The following UPP2 variants were observed in gnomAD, a reference collection of about 807,000 sequenced individuals.
UPP2 encodes UPase 2.
In UPP2, 23 loss-of-function variants were observed where a neutral mutation model predicts 26.7. The ratio of observed to expected loss-of-function variants is 0.86; its 90% confidence interval spans 0.62 to 1.22. The LOEUF (loss-of-function observed/expected upper bound fraction) is 1.22, where lower values mean the gene tolerates loss of function less well. Ranked by LOEUF, UPP2 falls within the 50% of genes most tolerant of loss-of-function variation. UPP2 has a pLI of 0.00. For synonymous variants in UPP2, 127 were observed against 141.3 expected (o/e 0.90, Z 0.72); for missense variants, 387 against 396.7 (o/e 0.98, Z 0.21).
At chr2:158,121,748 C>T in intron 5 of UPP2, 130 bp downstream of exon 5, 1 of 831,840 alleles carries the variant, frequency 1.2e-6, no homozygotes, top group Middle Eastern at 3.3e-4. Flanking sequence ...GGAAATGAAA[C>T]AGCCTTTTTT....
At chr2:158,029,657 T>C (rs1683894238) in intron 3 of UPP2, among the ~76,000 whole-genome samples, 1 of 150,738 alleles carries the variant, frequency 6.6e-6, no homozygotes, top group Non-Finnish European at 1.5e-5. Flanking sequence ...TGGGCACTCC[T>C]TACCTATAAG....
At chr2:158,028,715 G>C (rs1276924163) in intron 3 of UPP2, among the ~76,000 whole-genome samples, 4 of 152,216 alleles carry the variant, frequency 2.6e-5, no homozygotes, top group Non-Finnish European at 5.9e-5. Context: ...AAGAAAAAGA[G>C]GTTTAATTGG....
chr2:158,134,845 C>G lies in UPP2; in HGVS notation c.909C>G (p.Leu303=). 6.2e-7 allele frequency: 1 copy of G among 1,613,742 alleles called. No homozygotes were observed. Among genetic ancestry groups the G allele is most frequent in the South Asian group, 1.1e-5 (1 of 91,024 alleles). The change falls in exon 7 of 7, where the codon CTC becomes CTG. Residue 303 remains leucine, a synonymous_variant. Transcript: ENST00000005756. ...TGGAGTACCAGCAACGGCCTCAGCT[C>G]CTAATCTCCAACTTCATCAGACGGC... ...VLVEYQQRPQ[L]LISNFIRRRL...
upstream of UPP2, chr2:158,101,791 A>T: frequency 8.6e-7 from 1 of 1,162,726 alleles, no homozygotes; most frequent in Non-Finnish European, 1.1e-6. Flanking sequence ...ACACCTTCAA[A>T]GGGGGCCTAT....
intron 1 of UPP2, among the ~76,000 whole-genome samples, chr2:158,105,003 AG>A (rs1683158468): frequency 2.1e-3 from 7 of 3,406 alleles, no homozygotes; most frequent in African/African-American, 4.8e-3. Context: ...AAGGGAGGGG[AG>A]GGGAGGGGAG....
At chr2:158,080,714 CT>C (rs1197273469) in intron 3 of UPP2, among the ~76,000 whole-genome samples, 1 of 152,154 alleles carries the variant, frequency 6.6e-6, no homozygotes, top group Non-Finnish European at 1.5e-5. Flanking sequence ...AAAATTATGA[CT>C]TTTACCAAAA....
chr2:158,027,132 C>T (rs1683845889), intron 3 of UPP2, among the ~76,000 whole-genome samples: 1 of 152,160 alleles, frequency 6.6e-6, no homozygotes, highest in Admixed American at 6.5e-5. Flanking sequence ...CATTTCAAAA[C>T]CAATCATTGC....
At chr2:158,110,532 T>A (rs979083958) in intron 2 of UPP2, among the ~76,000 whole-genome samples, 2 of 152,198 alleles carry the variant, frequency 1.3e-5, no homozygotes, top group Non-Finnish European at 2.9e-5. Flanking sequence ...CTGGGTCAAA[T>A]GATATTTCTA....
Position 158,123,879 on chromosome 2 carries a change from A to G in UPP2, c.795A>G (p.Gly265=), listed in dbSNP as rs1683631931. 6.2e-7 allele frequency: 1 copy of G among 1,613,496 alleles called. No homozygotes were observed. The highest frequency in any genetic ancestry group is 1.3e-5 in the African/African-American group (1 of 74,876). Residue 265 remains glycine, a synonymous_variant, in exon 6 of 7, where the codon GGA becomes GGG. Transcript: ENST00000005756. ...MESTVFAAMC[G]LCGLKAAVVC... ...CTACAGTGTTTGCAGCTATGTGTGG[A>G]CTCTGTGGTCTAAAAGGTAAGCTTT...
intron 3 of UPP2, among the ~76,000 whole-genome samples, chr2:158,029,306 T>C (rs534275697): frequency 6.6e-6 from 1 of 152,348 alleles, no homozygotes; most frequent in East Asian, 1.9e-4. Context: ...ATAAAGATGC[T>C]TTAAAAAAAT....
intron 3 of UPP2, among the ~76,000 whole-genome samples, chr2:158,033,739 C>T (rs908492071): frequency 1.3e-5 from 2 of 152,182 alleles, no homozygotes; most frequent in Non-Finnish European, 2.9e-5. Context: ...CTGTTATTAG[C>T]CTATCCTCAG....
chr2:158,017,220 T>C (rs1683673319), intron 3 of UPP2, among the ~76,000 whole-genome samples: 1 of 152,220 alleles, frequency 6.6e-6, no homozygotes, highest in African/African-American at 2.4e-5. Flanking sequence ...TCTTGAAATA[T>C]ACAGCTCTTC....
At chr2:158,001,078 G>A (rs1226866057) in intron 2 of UPP2, among the ~76,000 whole-genome samples, 1 of 152,166 alleles carries the variant, frequency 6.6e-6, no homozygotes, top group African/African-American at 2.4e-5. Context: ...AGAGTTGCTT[G>A]AATTCCTACC....
chr2:158,041,642 T>C, intron 3 of UPP2, among the ~76,000 whole-genome samples: 1 of 152,248 alleles, frequency 6.6e-6, no homozygotes, highest in African/African-American at 2.4e-5. Context: ...CCAACAAAGA[T>C]CTTGATGCCA....
intron 6 of UPP2, among the ~76,000 whole-genome samples, chr2:158,130,527 C>A (rs1328469245): frequency 6.6e-6 from 1 of 151,654 alleles, no homozygotes; most frequent in Non-Finnish European, 1.5e-5. Flanking sequence ...TGCGGTTTGT[C>A]ACAAAATCTT....
chr2:158,066,017 G>T, intron 3 of UPP2: 1 of 342,060 alleles, frequency 2.9e-6, no homozygotes, highest in Non-Finnish European at 5.5e-6. Context: ...TAAAGATGTG[G>T]CTGCACTTCA....
chr2:158,051,436 C>G (rs1294631973), intron 3 of UPP2, among the ~76,000 whole-genome samples: 1 of 151,888 alleles, frequency 6.6e-6, no homozygotes, highest in Non-Finnish European at 1.5e-5. Context: ...ATCTGAACTA[C>G]CAGAGGAAAT....
At position 158,125,010 on chromosome 2, in the gene UPP2, TA is replaced by T. The variant is rs201989371; in HGVS notation, c.811+1116del. ...TGGGTAAGATAACAAACAATGAGTC[TA>T]GGCACAGATGACAAGAGGTCCTTGC... On this transcript the variant is annotated intron_variant, in intron 6 of 6. Transcript: ENST00000005756. Among the ~76,000 whole-genome samples, 667 of 152,274 alleles carry T rather than the reference TA, an allele frequency of 4.4e-3. 7 individuals are homozygous for T. The highest frequency in any genetic ancestry group is 0.015 in the African/African-American group (637 of 41,540).
At chr2:158,116,048 A>G (rs532129734) in intron 3 of UPP2, among the ~76,000 whole-genome samples, 21 of 152,314 alleles carry the variant, frequency 1.4e-4, no homozygotes, top group African/African-American at 4.8e-4. Context: ...AGTGGCTCCT[A>G]CCATAGGGAA....
Sources: gnomAD v4.1 joint callset for allele counts (sites outside exome capture counted in the v4.1 genomes callset) on GRCh38, gnomAD v4.1.1 for gene constraint, MANE v1.5 for transcripts, NCBI Gene and HGNC (gene_info 2026-07-23, HGNC 2026-07-21) for gene names.